Variants in VEZT observed in about 807,000 individuals in gnomAD.
VEZT encodes the protein vezatin.
VEZT carries 39 observed loss-of-function variants against 79.9 expected under a neutral mutation model. That is an observed-to-expected ratio of 0.49 (90% CI 0.38 to 0.64). The LOEUF (loss-of-function observed/expected upper bound fraction) is 0.64, where lower values mean the gene tolerates loss of function less well. Ranked by LOEUF, VEZT falls within the 30% of genes least tolerant of loss-of-function variation. The pLI is 0.00. For synonymous variants in VEZT, 325 were observed against 327.6 expected, an observed-to-expected ratio of 0.99 and a Z score of 0.09; for missense variants, 837 against 893.1, an observed-to-expected ratio of 0.94 and a Z score of 0.80.
intron 7 of VEZT, among the ~76,000 whole-genome samples, chr12:95,281,477 C>T (rs1045528709): frequency 6.6e-6 from 1 of 151,618 alleles, no homozygotes; most frequent in African/African-American, 2.4e-5. Context: ...GACTCTATCA[C>T]AAAAATTAAT....
intron 2 of VEZT, among the ~76,000 whole-genome samples, chr12:95,256,852 T>G (rs1194873664): frequency 6.6e-6 from 1 of 152,236 alleles, no homozygotes; most frequent in East Asian, 1.9e-4. Context: ...GAATGACTTC[T>G]GCCTGCTCTT....
intron 1 of VEZT, among the ~76,000 whole-genome samples, chr12:95,238,528 CAT>C (rs1323102631): frequency 6.6e-6 from 1 of 152,122 alleles, no homozygotes; most frequent in Non-Finnish European, 1.5e-5. Flanking sequence ...ACTGGTATGT[CAT>C]ATGAGTTTGC....
chr12:95,221,285 G>T (rs939356473), intron 1 of VEZT, among the ~76,000 whole-genome samples: 2 of 152,134 alleles, frequency 1.3e-5, no homozygotes, highest in Non-Finnish European at 1.5e-5. Context: ...CTGCAGATTG[G>T]ACCAACCGTG....
At chr12:95,287,042 G>C (rs994838243) in intron 8 of VEZT, among the ~76,000 whole-genome samples, 1 of 152,140 alleles carries the variant, frequency 6.6e-6, no homozygotes, top group Admixed American at 6.6e-5. Context: ...TTACATATAT[G>C]TGTAATATCA....
rs577024095 is a variant in VEZT at position 95,261,633 on chromosome 12, A to C, written c.259-1273A>C. ...ACCATATTGGCCAGGCTGGTCTCGA[A>C]ATCCTGACCTCAGGTGATCCGCCCA... On this transcript the variant is annotated intron_variant, in intron 3 of 11. Transcript: ENST00000436874. Among the ~76,000 whole-genome samples the C allele has an allele frequency of 2.0e-5, 3 of 152,274 alleles. No homozygotes were observed. In the South Asian group the frequency reaches 6.2e-4, roughly 32 times the overall value.
At chr12:95,270,653 AC>A (rs2138768074) in intron 6 of VEZT, among the ~76,000 whole-genome samples, 1 of 152,248 alleles carries the variant, frequency 6.6e-6, no homozygotes, top group South Asian at 2.1e-4. Flanking sequence ...AAGTTTCTTA[AC>A]CTCTCTATAC....
chr12:95,259,832 T>G (rs967046624), intron 3 of VEZT, among the ~76,000 whole-genome samples: 5 of 152,222 alleles, frequency 3.3e-5, no homozygotes, highest in African/African-American at 1.2e-4. Context: ...ATTGTTACCT[T>G]GTAACACAGT....
In VEZT at chr12:95,257,182, C is replaced by G; in HGVS notation, c.201C>G (p.Ile67Met). The change falls in exon 3 of 12, where the codon ATC (isoleucine) becomes ATG (methionine). Residue 67 changes from isoleucine to methionine, a missense_variant. Transcript: ENST00000436874. ...TCCTGTTAAAAGTGGCTGAAACCATCAAAAGTTGGATTTTTTTTTCTCAGT... is the reference window on the plus strand; with the variant it reads ...TCCTGTTAAAAGTGGCTGAAACCATGAAAAGTTGGATTTTTTTTTCTCAGT... Reference protein sequence around the residue: ...QGILLKVAETIKSWIFFSQCN... With the variant: ...QGILLKVAETMKSWIFFSQCN... The G allele has an allele frequency of 6.2e-7, 1 of 1,611,596 alleles. No individual in the cohort carries two copies. The highest frequency in any genetic ancestry group is 1.7e-4 in the Middle Eastern group (1 of 6,036).
intron 1 of VEZT, among the ~76,000 whole-genome samples, chr12:95,250,604 A>T (rs2062432109): frequency 6.6e-6 from 1 of 152,098 alleles, no homozygotes; most frequent in Non-Finnish European, 1.5e-5. Flanking sequence ...CCCCCAGCCA[A>T]GATTTATTTT....
chr12:95,300,312 G>A lies in VEZT; in HGVS notation c.1979G>A (p.Arg660Lys). ...KSATTDNEIS[R>K]TEYLCENSLE... Reference sequence around the variant, plus strand: ...GCCACAACAGACAATGAAATAAGTAGGACTGAGTATTTATGTGAAAACTCT... The same window carrying A: ...GCCACAACAGACAATGAAATAAGTAAGACTGAGTATTTATGTGAAAACTCT... Residue 660 changes from arginine to lysine, a missense_variant, in exon 12 of 12, where the codon AGG becomes AAG. Arg to Lys is a conservative substitution (Grantham distance 26). Transcript: ENST00000436874. 1.2e-6 allele frequency: 2 copies of A among 1,609,684 alleles called. No homozygotes were observed. The highest frequency in any genetic ancestry group is 1.7e-6 in the Non-Finnish European group (2 of 1,177,828).
intron 2 of VEZT, among the ~76,000 whole-genome samples, chr12:95,255,925 G>T (rs1002522765): frequency 3.9e-5 from 6 of 152,112 alleles, no homozygotes; most frequent in Non-Finnish European, 7.4e-5. Flanking sequence ...CTATCTCAGT[G>T]TACCTTTTTA....
chr12:95,262,749 C>T (rs1239639799), intron 3 of VEZT, among the ~76,000 whole-genome samples, 157 bp from the exon 4 acceptor site: 1 of 152,088 alleles, frequency 6.6e-6, no homozygotes, highest in Non-Finnish European at 1.5e-5. Flanking sequence ...AAAATAAAAC[C>T]CAGCTATCAT....
intron 1 of VEZT, among the ~76,000 whole-genome samples, chr12:95,235,960 T>G (rs2060097937): frequency 6.7e-6 from 1 of 148,998 alleles, no homozygotes; most frequent in African/African-American, 2.5e-5. Context: ...GAAGAGGCGC[T>G]CCTCACTTCC....
intron 6 of VEZT, among the ~76,000 whole-genome samples, chr12:95,273,218 G>C (rs12367540): frequency 0.11 from 17,051 of 151,838 alleles, 1,055 homozygotes; most frequent in East Asian, 0.25. Flanking sequence ...GCTCTAATGT[G>C]GATCTCCAAG....
rs779075644 is a variant in VEZT at position 95,274,768 on chromosome 12, A to G, written c.875A>G (p.Asn292Ser). The stretch of plus-strand genomic sequence containing the variant: ...TACCCCCTGAACTCTGAGAGTGACA[A>G]TGTAACCAACTACATCTGTGTGGTG... ...KNYPLNSESD[N>S]VTNYICVVPF... is the part of the protein sequence containing the mutation. The change falls in exon 7 of 12, where the codon AAT (asparagine) becomes AGT (serine). Residue 292 changes from asparagine (N) to serine (S), a missense_variant. Asn to Ser is a conservative substitution (Grantham distance 46). Transcript: ENST00000436874. The G allele has an allele frequency of 5.0e-6, 8 of 1,613,408 alleles. No homozygotes were observed. The highest frequency in any genetic ancestry group is 4.4e-5 in the South Asian group (4 of 90,904).
chr12:95,287,664 G>C lies in VEZT; in HGVS notation c.1329G>C (p.Glu443Asp). The C allele has an allele frequency of 6.5e-7, 1 of 1,547,438 alleles. No homozygotes were observed. The highest frequency in any genetic ancestry group is 1.3e-5 in the South Asian group (1 of 79,952). Residue 443 changes from glutamate (E) to aspartate (D), a missense_variant and splice_region_variant, in exon 9 of 12, where the codon GAG becomes GAC. Physicochemically the swap from Glu to Asp is conservative, Grantham distance 45. Coordinates refer to ENST00000436874, the MANE Select transcript of VEZT (RefSeq NM_017599.4). ...LQLHLKALLNEVIILEDELEK... is the reference protein window; with the variant it reads ...LQLHLKALLNDVIILEDELEK... The stretch of plus-strand genomic sequence containing the variant: ...GTTTCTGTTTTTCTTTATGACTCAG[G>C]GTAATAATTCTTGAAGATGAACTTG...
chr12:95,290,605 A>C (rs1013780032), intron 9 of VEZT: 1 of 152,194 alleles, frequency 6.6e-6, no homozygotes, highest in African/African-American at 2.4e-5. Context: ...CAGAAAACAG[A>C]TCAGTAGTTG....
In VEZT at chr12:95,270,131, G is replaced by T. The variant is rs369571749; in HGVS notation, c.791G>T (p.Arg264Leu). ...ATCGGTCTTCGGAAAGCTGTCTACC[G>T]AACTCTAAGAGCCAACTTCCAAGCA... ...HLIGLRKAVY[R>L]TLRANFQAAR... Residue 264 changes from arginine (R) to leucine (L), a missense_variant, in exon 6 of 12, where the codon CGA becomes CTA. By Grantham distance (102) the Arg-to-Leu change is moderately radical (BLOSUM62 -2). Coordinates refer to ENST00000436874, the MANE Select transcript of VEZT (RefSeq NM_017599.4). The T allele has an allele frequency of 6.2e-7, 1 of 1,611,208 alleles. No homozygotes were observed. The highest frequency in any genetic ancestry group is 1.7e-5 in the Admixed American group (1 of 59,558).
At chr12:95,239,945 CGAAA>C (rs2060672170) in intron 1 of VEZT, among the ~76,000 whole-genome samples, 1 of 73,252 alleles carries the variant, frequency 1.4e-5, no homozygotes, top group South Asian at 6.6e-4. Context: ...GAGGGAGACT[CGAAA>C]GAGAGAGAGA....
Sources: allele counts gnomAD v4.1 joint callset (sites outside exome capture counted in the v4.1 genomes callset), GRCh38; gene constraint gnomAD v4.1.1; transcripts MANE v1.5; gene names NCBI Gene and HGNC (gene_info 2026-07-23, HGNC 2026-07-21).